MOB1B: variants seen among roughly 807,000 people sequenced by gnomAD.
The protein encoded by MOB1B is MOB1 Mps One Binder homolog B.
A neutral mutation model predicts 24.4 loss-of-function variants in MOB1B; 19 were observed. That is an observed-to-expected ratio of 0.78 (90% CI 0.54 to 1.14). The LOEUF (loss-of-function observed/expected upper bound fraction) is 1.14. Ranked by LOEUF, MOB1B falls within the 50% of genes most tolerant of loss-of-function variation. The pLI, the probability that MOB1B is intolerant of heterozygous loss-of-function variation, is 0.00. For synonymous variants in MOB1B, 76 were observed against 82.1 expected, an observed-to-expected ratio of 0.93 and a Z score of 0.40; for missense variants, 243 against 259.6, an observed-to-expected ratio of 0.94 and a Z score of 0.44.
intron 1 of MOB1B, among the ~76,000 whole-genome samples, chr4:70,923,809 G>T (rs1736537469): frequency 6.6e-6 from 1 of 151,652 alleles, no homozygotes; most frequent in African/African-American, 2.4e-5. Context: ...AATGAGCTGG[G>T]CCTGGTCGTG....
intron 4 of MOB1B, chr4:70,975,857 C>CA: frequency 1.1e-6 from 1 of 870,806 alleles, no homozygotes; most frequent in Non-Finnish European, 1.4e-6. Flanking sequence ...TTATCATGAA[C>CA]ATTAAGGTAA....
chr4:70,950,685 A>G (rs1278762992), intron 1 of MOB1B: 3 of 1,378,100 alleles, frequency 2.2e-6, no homozygotes, highest in Non-Finnish European at 3.0e-6. Flanking sequence ...AATCATCATT[A>G]TTATCCTGAT....
At chr4:70,913,708 G>A (rs755552287) in intron 1 of MOB1B, among the ~76,000 whole-genome samples, 1 of 151,990 alleles carries the variant, frequency 6.6e-6, no homozygotes, top group Non-Finnish European at 1.5e-5. Context: ...CCACTGTAAG[G>A]TTATTATTAT....
chr4:70,942,903 T>G (rs910337709), intron 1 of MOB1B: 1 of 734,530 alleles, frequency 1.4e-6, no homozygotes, highest in Non-Finnish European at 1.7e-6. Flanking sequence ...AAAAAATTAT[T>G]ATATGAATGT....
chr4:70,916,898 A>G (rs1736217989), intron 1 of MOB1B, among the ~76,000 whole-genome samples: 1 of 152,134 alleles, frequency 6.6e-6, no homozygotes, highest in South Asian at 2.1e-4. Context: ...TCTTCATTGG[A>G]TGTATTTCTC....
chr4:70,911,699 C>G (rs1311594118), intron 1 of MOB1B, among the ~76,000 whole-genome samples: 1 of 151,990 alleles, frequency 6.6e-6, no homozygotes, highest in Non-Finnish European at 1.5e-5. Flanking sequence ...TATGAAAGCA[C>G]GTGTCTAATA....
In MOB1B at chr4:70,985,806, C is replaced by T. The variant is rs1324658322; in HGVS notation, c.*3749C>T. On this transcript the variant is annotated 3_prime_UTR_variant, in exon 6 of 6. Transcript: ENST00000309395. ...AAGTGCTGGGATTACAGGTGTGAGC[C>T]ACCACAGCCAGCCAGTATGACCTAT... The T allele has an allele frequency of 6.6e-6, 1 of 152,238 alleles. No individual in the cohort carries two copies. The highest frequency in any genetic ancestry group is 1.5e-5 in the Non-Finnish European group (1 of 68,082). The allele number at this position is 152,238 out of a possible 1,614,324, so 9.4% of individuals were successfully genotyped here.
In MOB1B at chr4:70,984,846, T is replaced by A. The variant is rs113477931; in HGVS notation, c.*2789T>A. On this transcript the variant is annotated 3_prime_UTR_variant, in exon 6 of 6. Transcript: ENST00000309395. ...TCTCTTAAAAACCATGGCATTAGAC[T>A]GCACTAAATTAACAAGCATGTTAGT... 22 of 152,212 alleles carry A rather than the reference T, an allele frequency of 1.4e-4. No individual in the cohort carries two copies. Among genetic ancestry groups the A allele is most frequent in the African/African-American group, 5.3e-4 (22 of 41,482 alleles). The allele number at this position is 152,212 out of a possible 1,614,324, so 9.4% of individuals were successfully genotyped here.
At chr4:70,979,399 T>A in intron 5 of MOB1B, 108 bp downstream of exon 5, 1 of 791,036 alleles carries the variant, frequency 1.3e-6, no homozygotes, top group Non-Finnish European at 2.0e-6. Flanking sequence ...CATATCTCTG[T>A]AGTCTGCATC....
At chr4:70,969,540 C>T (rs940697542) in intron 2 of MOB1B, among the ~76,000 whole-genome samples, 1 of 152,158 alleles carries the variant, frequency 6.6e-6, no homozygotes, top group Non-Finnish European at 1.5e-5. Context: ...TTTGTAGTTC[C>T]ATGATTACCA....
At chr4:70,916,629 A>G (rs1353798472) in intron 1 of MOB1B, among the ~76,000 whole-genome samples, 1 of 151,904 alleles carries the variant, frequency 6.6e-6, no homozygotes, top group Non-Finnish European at 1.5e-5. Flanking sequence ...GTGCAATGGC[A>G]TGATCTTAGC....
At chr4:70,922,051 C>T (rs1321085785) in intron 1 of MOB1B, among the ~76,000 whole-genome samples, 1 of 152,166 alleles carries the variant, frequency 6.6e-6, no homozygotes, top group African/African-American at 2.4e-5. Flanking sequence ...CAAAATTATT[C>T]TTTCTTCCAC....
chr4:70,941,287 T>C (rs1737326059), intron 1 of MOB1B, among the ~76,000 whole-genome samples: 1 of 152,172 alleles, frequency 6.6e-6, no homozygotes, highest in African/African-American at 2.4e-5. Flanking sequence ...TACTCTAATT[T>C]CTGCTTACTT....
At chr4:70,973,677 AAAGT>A (rs1370966005) in intron 3 of MOB1B, among the ~76,000 whole-genome samples, 1 of 152,148 alleles carries the variant, frequency 6.6e-6, no homozygotes, top group African/African-American at 2.4e-5. Context: ...GAGGTGTTGG[AAAGT>A]AAGTGACTAA....
At chr4:70,970,834 T>C (rs953059358) in intron 3 of MOB1B, among the ~76,000 whole-genome samples, 21 of 152,180 alleles carry the variant, frequency 1.4e-4, no homozygotes, top group Admixed American at 1.3e-3. Context: ...GGAGATACCA[T>C]ATGAAGAGGT....
At chr4:70,946,113 A>G (rs1205441860) in intron 1 of MOB1B, among the ~76,000 whole-genome samples, 16 of 134,346 alleles carry the variant, frequency 1.2e-4, no homozygotes, top group African/African-American at 4.4e-4. Context: ...TTTTGGCCAA[A>G]GTTTAAGTAG....
intron 1 of MOB1B, among the ~76,000 whole-genome samples, chr4:70,932,247 TATC>T (rs1338285704): frequency 6.6e-6 from 1 of 152,154 alleles, no homozygotes. Flanking sequence ...AGAGAAATCA[TATC>T]ATCCATCATG....
At chr4:70,948,728 T>C (rs1410153322) in intron 1 of MOB1B, among the ~76,000 whole-genome samples, 1 of 152,140 alleles carries the variant, frequency 6.6e-6, no homozygotes, top group African/African-American at 2.4e-5. Context: ...TTTGAGGATA[T>C]TGGTTTGCTT....
chr4:70,960,135 G>A (rs1316214178), intron 2 of MOB1B, among the ~76,000 whole-genome samples: 2 of 152,106 alleles, frequency 1.3e-5, no homozygotes, highest in Non-Finnish European at 2.9e-5. Flanking sequence ...ACCCACTTCA[G>A]CTTCCCAAAG....
Sources: allele counts gnomAD v4.1 joint callset (sites outside exome capture counted in the v4.1 genomes callset), GRCh38; gene constraint gnomAD v4.1.1; transcripts MANE v1.5; gene names NCBI Gene and HGNC (gene_info 2026-07-23, HGNC 2026-07-21).